ZNF521: variants seen among roughly 807,000 people sequenced by gnomAD.
The protein encoded by ZNF521 is LYST-interacting protein 3.
A neutral mutation model predicts 105.5 loss-of-function variants in ZNF521; 14 were observed. The ratio of observed to expected loss-of-function variants is 0.13; its 90% confidence interval spans 0.09 to 0.21. The LOEUF is 0.21. Among genes scored for constraint, ZNF521 ranks in the 10% least tolerant of loss-of-function variants. The pLI, the probability that ZNF521 is intolerant of heterozygous loss-of-function variation, is 1.00. For synonymous variants in ZNF521, 635 were observed against 606.0 expected, an observed-to-expected ratio of 1.05 and a Z score of -0.70; for missense variants, 1,233 against 1,629.7, an observed-to-expected ratio of 0.76 and a Z score of 4.19.
intron 5 of ZNF521, among the ~76,000 whole-genome samples, chr18:25,096,144 G>A (rs903548802): frequency 2.6e-5 from 4 of 152,080 alleles, no homozygotes; most frequent in African/African-American, 9.7e-5. Context: ...ATGTAAACAG[G>A]AATCAAGTCT....
chr18:25,290,208 C>T (rs558755540), intron 3 of ZNF521, among the ~76,000 whole-genome samples: 4 of 152,268 alleles, frequency 2.6e-5, no homozygotes, highest in South Asian at 4.2e-4. Flanking sequence ...CTGAAGAAGG[C>T]GCTTTGATTA....
At chr18:25,255,535 A>G (rs1157630659) in intron 3 of ZNF521, among the ~76,000 whole-genome samples, 1 of 152,126 alleles carries the variant, frequency 6.6e-6, no homozygotes, top group East Asian at 1.9e-4. Flanking sequence ...TATTTCTGAT[A>G]TAAAAGAAGT....
intron 3 of ZNF521, among the ~76,000 whole-genome samples, chr18:25,304,905 G>A (rs1911883513): frequency 6.6e-6 from 1 of 152,198 alleles, no homozygotes; most frequent in African/African-American, 2.4e-5. Context: ...TAAGTGCACA[G>A]TAAGATTGTA....
At chr18:25,063,532 T>C (rs2032967806) in intron 7 of ZNF521, among the ~76,000 whole-genome samples, 1 of 152,046 alleles carries the variant, frequency 6.6e-6, no homozygotes, top group South Asian at 2.1e-4. Context: ...AGAGGGTAAC[T>C]GGGATTGCTG....
intron 5 of ZNF521, among the ~76,000 whole-genome samples, chr18:25,120,604 C>CACAA (rs71167849): frequency 2.3e-4 from 32 of 138,018 alleles, no homozygotes; most frequent in East Asian, 9.4e-4. Context: ...AAAAAAAAAC[C>CACAA]ACAAACAAAC....
chr18:25,225,077 T>A lies in ZNF521; in HGVS notation c.2841A>T (p.Glu947Asp), dbSNP rs1188769686. The change falls in exon 4 of 8, where the codon GAA becomes GAT. Residue 947 changes from glutamate (E) to aspartate (D), a missense_variant. Transcript: ENST00000361524. This position sits in a 1 kb window ranked among gnomAD's most constrained non-coding sequence, Gnocchi z 5.6. The part of the protein sequence containing the change: ...RTFFSENGLR[E>D]HMQTHLGPVK... ...CAGGGCCTAGGTGGGTCTGCATATG[T>A]TCCCGGAGGCCATTTTCGGAGAAGA... is the stretch of plus-strand genomic sequence containing the variant. The A allele has an allele frequency of 1.2e-6, 2 of 1,614,168 alleles. No homozygotes were observed. The highest frequency in any genetic ancestry group is 2.2e-5 in the East Asian group (1 of 44,876).
chr18:25,343,532 G>T (rs1011533449), intron 2 of ZNF521, among the ~76,000 whole-genome samples: 4 of 152,086 alleles, frequency 2.6e-5, no homozygotes, highest in Admixed American at 2.0e-4. Flanking sequence ...CCAAAATATT[G>T]AAATATAAAT....
chr18:25,265,133 C>A (rs1001130676), intron 3 of ZNF521, among the ~76,000 whole-genome samples: 3 of 152,050 alleles, frequency 2.0e-5, no homozygotes. Context: ...AAATATTAAA[C>A]AAAAATCTAA....
intron 5 of ZNF521, among the ~76,000 whole-genome samples, chr18:25,174,618 G>A (rs1238971215): frequency 6.6e-6 from 1 of 152,152 alleles, no homozygotes; most frequent in Non-Finnish European, 1.5e-5. Flanking sequence ...CTCCACCTTC[G>A]TGGACACACA....
At chr18:25,214,760 T>A (rs2036251449) in intron 4 of ZNF521, among the ~76,000 whole-genome samples, 1 of 152,156 alleles carries the variant, frequency 6.6e-6, no homozygotes, top group Non-Finnish European at 1.5e-5. Flanking sequence ...TTTATTGAGA[T>A]AAGCTTTATG....
At chr18:25,122,440 G>A (rs1394826072) in intron 5 of ZNF521, among the ~76,000 whole-genome samples, 1 of 152,060 alleles carries the variant, frequency 6.6e-6, no homozygotes, top group East Asian at 1.9e-4. Flanking sequence ...TATTTTCATG[G>A]TTTTAAGTAT....
chr18:25,196,834 A>G (rs747437102), intron 4 of ZNF521, among the ~76,000 whole-genome samples: 2 of 151,776 alleles, frequency 1.3e-5, no homozygotes, highest in Non-Finnish European at 3.0e-5. Context: ...GATGACCTAC[A>G]TTATATATTG....
chr18:25,337,957 G>A (rs1353869620), intron 2 of ZNF521, among the ~76,000 whole-genome samples: 1 of 152,172 alleles, frequency 6.6e-6, no homozygotes, highest in Non-Finnish European at 1.5e-5. Flanking sequence ...TGGAAGGGCT[G>A]CTAGGAAATA....
intron 5 of ZNF521, among the ~76,000 whole-genome samples, chr18:25,113,011 T>A (rs568401070): frequency 1.2e-5 from 1 of 83,610 alleles, no homozygotes; most frequent in African/African-American, 4.0e-5. Context: ...AATTACTGTG[T>A]CTAACCTTTT....
rs748486744 is a variant in ZNF521 at position 25,350,913 on chromosome 18, G to C, written c.34C>G (p.Leu12Val). The C allele has an allele frequency of 3.9e-6, 6 of 1,550,962 alleles. No homozygotes were observed. The highest frequency in any genetic ancestry group is 5.2e-6 in the Non-Finnish European group (6 of 1,146,508). ...SRRKQAKPRS[L>V]KDPNCKLEDK... ...GCAGGGGGTTCCTCCTTACCTTTGA[G>C]GGATCTCGGTTTCGCTTGCTTGCGG... Residue 12 changes from leucine (L) to valine (V), a missense_variant, in exon 2 of 8, where the codon CTC becomes GTC. Leu to Val is a conservative substitution (Grantham distance 32). Around this residue, in one of 6 missense-constraint regions of ZNF521, gnomAD observed 76 missense variants for 79.3 expected, o/e 0.96. Coordinates refer to ENST00000361524, the MANE Select transcript of ZNF521 (RefSeq NM_015461.3).
intron 2 of ZNF521, among the ~76,000 whole-genome samples, chr18:25,342,522 A>G (rs187514253): frequency 0.12 from 13,823 of 115,078 alleles, 1,311 homozygotes; most frequent in Admixed American, 0.15. Flanking sequence ...TCCGCCTCCC[A>G]GGTTCCCGCC....
chr18:25,316,680 G>A (rs969525324), intron 3 of ZNF521, among the ~76,000 whole-genome samples: 7 of 152,056 alleles, frequency 4.6e-5, no homozygotes, highest in African/African-American at 1.7e-4. Flanking sequence ...GATCGTTCCT[G>A]ATTTCATTTC....
intron 3 of ZNF521, among the ~76,000 whole-genome samples, chr18:25,267,399 G>C (rs1244379146): frequency 6.6e-6 from 1 of 152,132 alleles, no homozygotes; most frequent in Admixed American, 6.5e-5. Context: ...GAGAGCAGCG[G>C]ATCACCCAGC....
intron 3 of ZNF521, among the ~76,000 whole-genome samples, chr18:25,241,860 A>G (rs1907359413): frequency 6.6e-6 from 1 of 152,176 alleles, no homozygotes; most frequent in Non-Finnish European, 1.5e-5. Context: ...CTCACTTTTT[A>G]TACTTTTTTC....
Sources: gnomAD v4.1 joint callset for allele counts (sites outside exome capture counted in the v4.1 genomes callset) on GRCh38, gnomAD v4.1.1 for gene constraint, gnomAD v4.1.1 regional missense constraint, Gnocchi (gnomAD v3.1) non-coding constraint, MANE v1.5 for transcripts, NCBI Gene and HGNC (gene_info 2026-07-23, HGNC 2026-07-21) for gene names.